Variants in RFX7 observed in about 807,000 individuals in gnomAD.
RFX7 encodes the protein regulatory factor X7, also known as DNA-binding protein RFX7.
A neutral mutation model predicts 111.8 loss-of-function variants in RFX7; 26 were observed. That is an observed-to-expected ratio of 0.23 (90% CI 0.17 to 0.32). The LOEUF is 0.32. Ranked by LOEUF, RFX7 falls within the 10% of genes least tolerant of loss-of-function variation. The pLI, the probability that RFX7 is intolerant of heterozygous loss-of-function variation, is 1.00. For synonymous variants in RFX7, 624 were observed against 624.4 expected (o/e 1.00, Z 0.01); for missense variants, 1,573 against 1,772.9 (o/e 0.89, Z 2.02).
intron 3 of RFX7, among the ~76,000 whole-genome samples, chr15:56,173,403 G>A (rs1391971967): frequency 6.6e-6 from 1 of 152,168 alleles, no homozygotes; most frequent in African/African-American, 2.4e-5. Context: ...ATAAAAATCA[G>A]TGTTCAGCAC....
At chr15:56,210,621 C>A (rs1228658656) in intron 2 of RFX7, among the ~76,000 whole-genome samples, 8 of 151,938 alleles carry the variant, frequency 5.3e-5, no homozygotes, top group Non-Finnish European at 1.2e-4. Context: ...CCCCTCAGAC[C>A]ACAGAGGAAT....
At chr15:56,197,895 C>G (rs1044083277) in intron 2 of RFX7, among the ~76,000 whole-genome samples, 5 of 152,146 alleles carry the variant, frequency 3.3e-5, no homozygotes, top group African/African-American at 1.2e-4. Flanking sequence ...TCTGCTTTCT[C>G]TCCCCCAGGA....
chr15:56,179,234 T>C (rs1301945149), intron 3 of RFX7, 36 bp downstream of exon 3: 7 of 1,070,832 alleles, frequency 6.5e-6, no homozygotes, highest in East Asian at 5.4e-5. Context: ...AAAAACCTTA[T>C]TGCAAAAGGA....
Position 56,093,883 on chromosome 15 carries a change from T to G in RFX7, c.3845A>C (p.Asn1282Thr). 1 of 1,613,972 alleles carries G rather than the reference T, an allele frequency of 6.2e-7. No individual in the cohort carries two copies. Among genetic ancestry groups the G allele is most frequent in the Non-Finnish European group, 8.5e-7 (1 of 1,179,870 alleles). The change falls in exon 10 of 10, where the codon AAT becomes ACT. Residue 1282 changes from asparagine to threonine, a missense_variant. Physicochemically the swap from Asn to Thr is moderately conservative, Grantham distance 65 (BLOSUM62 0). Coordinates refer to ENST00000559447, the MANE Select transcript of RFX7 (RefSeq NM_022841.7). ...NLPSNYTARM[N>T]LTQILEPSTV... ...GGAAGGTTCCAAAATCTGAGTGAGATTCATCCGGGCTGTATAATTAGAGGG... is the reference window on the plus strand; with the variant it reads ...GGAAGGTTCCAAAATCTGAGTGAGAGTCATCCGGGCTGTATAATTAGAGGG...
intron 5 of RFX7, among the ~76,000 whole-genome samples, 191 bp downstream of exon 5, chr15:56,142,587 A>AT (rs1209160840): frequency 6.6e-6 from 1 of 152,192 alleles, no homozygotes; most frequent in Non-Finnish European, 1.5e-5. Context: ...CCTTTTATTC[A>AT]TTAATCCTGC....
intron 2 of RFX7, among the ~76,000 whole-genome samples, chr15:56,241,775 C>CA (rs1401815458): frequency 2.0e-5 from 3 of 152,104 alleles, no homozygotes; most frequent in Non-Finnish European, 4.4e-5. Flanking sequence ...CAAGTTGCCA[C>CA]AACATGACTA....
chr15:56,116,340 T>C (rs965257131), intron 5 of RFX7, among the ~76,000 whole-genome samples: 2 of 152,246 alleles, frequency 1.3e-5, no homozygotes, highest in Non-Finnish European at 2.9e-5. Flanking sequence ...AGTGGTTCTT[T>C]ACTGATGACT....
In RFX7 at chr15:56,178,188, C is replaced by T. The variant is rs1053927090; in HGVS notation, c.195+1082G>A. ...AACTACACACACACACACACACACA[C>T]ACACACACACACACACACACACAAC... On this transcript the variant is annotated intron_variant, in intron 3 of 9. Transcript: ENST00000559447. 8.0e-3 allele frequency among the ~76,000 whole-genome samples: 1,142 copies of T among 143,122 alleles called. 17 individuals are homozygous for T. The highest frequency in any genetic ancestry group is 0.011 in the Middle Eastern group (3 of 276). The allele number at this position is 143,122 out of a possible 152,430, so 93.9% of individuals were successfully genotyped here. A position where few individuals can be genotyped will look rare whatever the true frequency, so the allele number is the denominator to read the frequency against.
rs568439479 is a variant in RFX7, at chr15:56,120,409, T to G, written c.402-16739A>C. 3.9e-5 allele frequency among the ~76,000 whole-genome samples: 6 copies of G among 152,334 alleles called. No individual in the cohort carries two copies. The South Asian group carries it at 1.2e-3, about 32-fold the overall frequency. ...AGTTTTTTGGTGGAGTCTTTAGATT[T>G]TTCCAATATAAAATCATATCATCTA... On this transcript the variant is annotated intron_variant, in intron 5 of 9. Coordinates refer to ENST00000559447, the MANE Select transcript of RFX7 (RefSeq NM_022841.7).
intron 3 of RFX7, among the ~76,000 whole-genome samples, chr15:56,157,224 T>G (rs2042663991): frequency 6.6e-6 from 1 of 152,182 alleles, no homozygotes. Flanking sequence ...GGCAGTCAAA[T>G]CTATCAATCT....
intron 3 of RFX7, among the ~76,000 whole-genome samples, chr15:56,160,261 A>T (rs1311580546): frequency 6.6e-6 from 1 of 152,104 alleles, no homozygotes; most frequent in African/African-American, 2.4e-5. Flanking sequence ...GGTTGACAAT[A>T]AATGAGTTCT....
chr15:56,133,659 A>C (rs1044861942), intron 5 of RFX7, among the ~76,000 whole-genome samples: 1 of 152,144 alleles, frequency 6.6e-6, no homozygotes, highest in Non-Finnish European at 1.5e-5. Flanking sequence ...TTGTTCTTAA[A>C]ATATATAGCT....
At chr15:56,121,426 C>A (rs1416289984) in intron 5 of RFX7, among the ~76,000 whole-genome samples, 4 of 152,154 alleles carry the variant, frequency 2.6e-5, no homozygotes, top group Non-Finnish European at 4.4e-5. Flanking sequence ...TTATCCTTTA[C>A]CTTTTTGTAT....
At chr15:56,113,750 T>C (rs2041969894) in intron 5 of RFX7, among the ~76,000 whole-genome samples, 1 of 151,856 alleles carries the variant, frequency 6.6e-6, no homozygotes, top group Non-Finnish European at 1.5e-5. Flanking sequence ...TTTATAAAAA[T>C]AATTAAGAAT....
At chr15:56,114,045 G>A (rs1474260986) in intron 5 of RFX7, among the ~76,000 whole-genome samples, 3 of 152,176 alleles carry the variant, frequency 2.0e-5, no homozygotes, top group Admixed American at 2.0e-4. Flanking sequence ...TTTTTAAGGA[G>A]TAAATAGATC....
At chr15:56,177,085 C>T (rs559397885) in intron 3 of RFX7, among the ~76,000 whole-genome samples, 2 of 152,242 alleles carry the variant, frequency 1.3e-5, no homozygotes, top group South Asian at 2.1e-4. Flanking sequence ...TACTTCCTTC[C>T]GTAAGTTCCA....
intron 8 of RFX7, 77 bp downstream of exon 8, chr15:56,101,282 T>G: frequency 8.1e-7 from 1 of 1,229,222 alleles, no homozygotes; most frequent in Non-Finnish European, 1.2e-6. Flanking sequence ...TTCTTTGATC[T>G]AACTCTTCTT....
In RFX7 at chr15:56,090,635, C is replaced by G. The variant is rs2041584914; in HGVS notation, c.*2710G>C. 1 of 152,558 alleles carries G rather than the reference C, an allele frequency of 6.6e-6. No homozygotes were observed. The highest frequency in any genetic ancestry group is 2.4e-5 in the African/African-American group (1 of 41,422). The allele number at this position is 152,558 out of a possible 1,614,324, so 9.5% of individuals were successfully genotyped here. A position where few individuals can be genotyped will look rare whatever the true frequency, so the allele number is the denominator to read the frequency against. On this transcript the variant is annotated 3_prime_UTR_variant, in exon 10 of 10. Coordinates refer to ENST00000559447, the MANE Select transcript of RFX7 (RefSeq NM_022841.7). ...AGAACTGAAATGCTACCGCAATATT[C>G]AACTACTGTAGTTTCAGCAGGTACA...
At position 56,102,265 on chromosome 15, in the gene RFX7, T is replaced by C. The variant is rs1357125028; in HGVS notation, c.519-12A>G. The C allele has an allele frequency of 6.5e-7, 1 of 1,542,960 alleles. No homozygotes were observed. The highest frequency in any genetic ancestry group is 2.3e-5 in the East Asian group (1 of 44,376). On this transcript the variant is annotated splice_polypyrimidine_tract_variant and intron_variant, in intron 6 of 9. Coordinates refer to ENST00000559447, the MANE Select transcript of RFX7 (RefSeq NM_022841.7). ...CACTGTAGCAATATGTAATAAACAG[T>C]TAAGGTCTAAATATTCAAAATTAAA...
Sources: allele counts gnomAD v4.1 joint callset (sites outside exome capture counted in the v4.1 genomes callset), GRCh38; gene constraint gnomAD v4.1.1; transcripts MANE v1.5; gene names NCBI Gene and HGNC (gene_info 2026-07-23, HGNC 2026-07-21).